Variants in HNF4G observed in about 807,000 individuals in gnomAD.
HNF4G encodes the protein hepatocyte nuclear factor 4 gamma, also known as hepatocyte nuclear factor 4-gamma.
HNF4G carries 21 observed loss-of-function variants against 50.9 expected under a neutral mutation model. The ratio of observed to expected loss-of-function variants is 0.41; its 90% CI spans 0.29 to 0.59. The LOEUF is 0.59. Among genes scored for constraint, HNF4G ranks in the 20% least tolerant of loss-of-function variants. The pLI is 0.26. For synonymous variants in HNF4G, 198 were observed against 185.6 expected (o/e 1.07, Z -0.54); for missense variants, 527 against 559.4 (o/e 0.94, Z 0.58).
intron 1 of HNF4G, among the ~76,000 whole-genome samples, chr8:75,430,898 A>G (rs1811001910): frequency 6.6e-6 from 1 of 152,208 alleles, no homozygotes; most frequent in Non-Finnish European, 1.5e-5. Flanking sequence ...GATTACGAAG[A>G]TTGTTGTTAG....
chr8:75,415,712 A>G (rs941990644), intron 1 of HNF4G, among the ~76,000 whole-genome samples: 1 of 152,018 alleles, frequency 6.6e-6, no homozygotes, highest in Admixed American at 6.6e-5. Context: ...TGTGAAGTCA[A>G]TATCAAATAT....
intron 1 of HNF4G, among the ~76,000 whole-genome samples, chr8:75,433,476 A>C (rs939716775): frequency 1.3e-5 from 2 of 152,048 alleles, no homozygotes; most frequent in African/African-American, 2.4e-5. Context: ...TAGGCCATTA[A>C]ATCTCTAAGC....
At chr8:75,448,269 T>A (rs1811475454) in intron 1 of HNF4G, among the ~76,000 whole-genome samples, 1 of 116,338 alleles carries the variant, frequency 8.6e-6, no homozygotes, top group African/African-American at 3.3e-5. Context: ...AATACCACAC[T>A]CTGGGGACTG....
chr8:75,476,756 G>T (rs1585877694), intron 1 of HNF4G, among the ~76,000 whole-genome samples: 1 of 152,146 alleles, frequency 6.6e-6, no homozygotes, highest in Admixed American at 6.5e-5. Context: ...GCGGGGCAGG[G>T]CTATGCAGGC....
intron 1 of HNF4G, among the ~76,000 whole-genome samples, chr8:75,459,269 T>C (rs778854708): frequency 2.0e-5 from 3 of 152,200 alleles, no homozygotes; most frequent in Non-Finnish European, 4.4e-5. Flanking sequence ...ACTGCATTCT[T>C]AGTCAGTGTA....
chr8:75,564,116 C>T lies in HNF4G; in HGVS notation c.*20C>T, dbSNP rs776989438. The T allele has an allele frequency of 4.3e-5, 69 of 1,611,700 alleles. No homozygotes were observed. The highest frequency in any genetic ancestry group is 5.0e-5 in the Non-Finnish European group (59 of 1,178,654). ...TTGTGAAAATGTGTTTACTTCAGAA[C>T]GGCACTACATAAATGTGAAAAGTTG... On this transcript the variant is annotated 3_prime_UTR_variant, in exon 10 of 10. Coordinates refer to ENST00000396423, the MANE Select transcript of HNF4G (RefSeq NM_004133.5).
chr8:75,465,446 A>G (rs898717600), intron 1 of HNF4G, among the ~76,000 whole-genome samples: 2 of 152,198 alleles, frequency 1.3e-5, no homozygotes, highest in African/African-American at 2.4e-5. Flanking sequence ...GCAATATTTT[A>G]TCTGCTTTTA....
intron 1 of HNF4G, among the ~76,000 whole-genome samples, chr8:75,411,076 A>G (rs1429712020): frequency 6.6e-6 from 1 of 152,222 alleles, no homozygotes; most frequent in African/African-American, 2.4e-5. Context: ...AGACGGAAAA[A>G]GTGAACCAGA....
At chr8:75,474,613 TTGTC>T (rs1812194837) in intron 1 of HNF4G, among the ~76,000 whole-genome samples, 1 of 152,138 alleles carries the variant, frequency 6.6e-6, no homozygotes. Context: ...TGGTTGGAGT[TTGTC>T]TGAATTCAGA....
At chr8:75,547,457 G>C (rs1585944447) in intron 2 of HNF4G, 130 bp from the exon 3 acceptor site, 1 of 649,938 alleles carries the variant, frequency 1.5e-6, no homozygotes, top group Admixed American at 2.7e-5. Flanking sequence ...AAAGGTCATA[G>C]CTGATTGTTC....
intron 9 of HNF4G, among the ~76,000 whole-genome samples, chr8:75,562,574 A>G (rs541832274): frequency 1.3e-5 from 2 of 152,298 alleles, no homozygotes; most frequent in East Asian, 1.9e-4. Flanking sequence ...CACATTAACA[A>G]CACAATAAAC....
chr8:75,409,488 T>C (rs1810445296), intron 1 of HNF4G, among the ~76,000 whole-genome samples: 1 of 140,368 alleles, frequency 7.1e-6, no homozygotes, highest in Admixed American at 7.1e-5. Flanking sequence ...TTCTTTTTTT[T>C]TTTTTTTTTT....
intron 1 of HNF4G, among the ~76,000 whole-genome samples, chr8:75,468,787 T>C (rs1204940873): frequency 6.6e-6 from 1 of 152,212 alleles, no homozygotes; most frequent in Non-Finnish European, 1.5e-5. Context: ...TCATTAACCG[T>C]TCCTTCCTAA....
At position 75,558,647 on chromosome 8, in the gene HNF4G, A is replaced by G; in HGVS notation, c.863A>G (p.Lys288Arg). 6.2e-7 allele frequency: 1 copy of G among 1,613,318 alleles called. No individual in the cohort carries two copies. Among genetic ancestry groups the G allele is most frequent in the Non-Finnish European group, 8.5e-7 (1 of 1,179,762 alleles). ...QIDDNEYACL[K>R]AIVFFDPDAK... is the part of the protein sequence containing the mutation. ...GATGACAATGAGTATGCTTGTTTAA[A>G]GGCAATTGTATTTTTTGATCCAGGT... Residue 288 changes from lysine to arginine, a missense_variant, in exon 7 of 10, where the codon AAG (lysine) becomes AGG (arginine). Lys to Arg is a conservative substitution (Grantham distance 26, BLOSUM62 2). Around this residue, in one of 5 missense-constraint regions of HNF4G, gnomAD observed 308 missense variants for 301.5 expected, o/e 1.02. Transcript: ENST00000396423.
At chr8:75,453,065 T>C (rs1311058738) in intron 1 of HNF4G, among the ~76,000 whole-genome samples, 1 of 152,248 alleles carries the variant, frequency 6.6e-6, no homozygotes, top group Non-Finnish European at 1.5e-5. Context: ...TTCTTAACTT[T>C]AGTTTCCTAT....
intron 1 of HNF4G, among the ~76,000 whole-genome samples, chr8:75,540,845 ATGTGTATGTGTGTGTGTG>A (rs1806599127): frequency 1.1e-5 from 1 of 93,258 alleles, no homozygotes. Context: ...ACTTTGGAAA[ATGTGTATGTGTGTGTGTG>A]TGTGTGTGTG....
At chr8:75,555,392 C>A (rs970058279) in intron 5 of HNF4G, among the ~76,000 whole-genome samples, 1 of 152,064 alleles carries the variant, frequency 6.6e-6, no homozygotes, top group Non-Finnish European at 1.5e-5. Flanking sequence ...ATTGAGTGTA[C>A]GAATGAAGCT....
At position 75,474,822 on chromosome 8, in the gene HNF4G, G is replaced by T. The variant is rs564645218; in HGVS notation, c.-143-15267G>T. On this transcript the variant is annotated intron_variant, in intron 1 of 10. Coordinates refer to the HNF4G transcript ENST00000354370. ...ACGCCATTCTCCTGCCTTAGCCTCC[G>T]GAGTAGCTGGTATTACAGGTGCCTG... is the stretch of plus-strand genomic sequence containing the variant. 2.0e-5 allele frequency among the ~76,000 whole-genome samples: 3 copies of T among 150,940 alleles called. No homozygotes were observed. The South Asian group carries it at 6.3e-4, about 32-fold the overall frequency.
chr8:75,508,402 C>T (rs1345797366), intron 2 of HNF4G, among the ~76,000 whole-genome samples: 2 of 150,396 alleles, frequency 1.3e-5, no homozygotes. Flanking sequence ...AGATCTCCAT[C>T]TTACACCATG....
Sources: gnomAD v4.1 joint callset for allele counts (sites outside exome capture counted in the v4.1 genomes callset) on GRCh38, gnomAD v4.1.1 for gene constraint, gnomAD v4.1.1 regional missense constraint, MANE v1.5 for transcripts, NCBI Gene and HGNC (gene_info 2026-07-23, HGNC 2026-07-21) for gene names.